The following ADAMTS13 variants were observed in gnomAD, a reference collection of about 807,000 sequenced individuals.
ADAMTS13 encodes the protein A disintegrin and metalloproteinase with thrombospondin motifs 13.
ADAMTS13 carries 110 observed loss-of-function variants against 155.1 expected under a neutral mutation model. That is an observed-to-expected ratio of 0.71 (90% CI 0.61 to 0.83). The LOEUF is 0.83. Among genes scored for constraint, ADAMTS13 ranks in the 40% least tolerant of loss-of-function variants. The pLI is 0.00. For synonymous variants in ADAMTS13, 758 were observed against 756.4 expected, an observed-to-expected ratio of 1.00 and a Z score of -0.03; for missense variants, 1,707 against 1,891.7, an observed-to-expected ratio of 0.90 and a Z score of 1.81.
chr9:133,440,543 G>C lies in ADAMTS13; in HGVS notation c.1968+18G>C. On this transcript the variant is annotated intron_variant, in intron 16 of 28. Coordinates refer to ENST00000355699, the MANE Select transcript of ADAMTS13 (RefSeq NM_139027.6). This position sits in a 1 kb window ranked among gnomAD's most constrained non-coding sequence, Gnocchi z 4.3. ...ACATCCAGGTCAGCAGGAGAGCCTGGGGGAGGCCAGTGGGGGCTTCTTCTT... is the reference window on the plus strand; with the variant it reads ...ACATCCAGGTCAGCAGGAGAGCCTGCGGGAGGCCAGTGGGGGCTTCTTCTT... 1 of 1,581,690 alleles carries C rather than the reference G, an allele frequency of 6.3e-7. No individual in the cohort carries two copies.
chr9:133,425,561 G>T lies in ADAMTS13; in HGVS notation c.363G>T (p.Gly121=). 6.2e-7 allele frequency: 1 copy of T among 1,613,642 alleles called. No individual in the cohort carries two copies. Among genetic ancestry groups the T allele is most frequent in the Non-Finnish European group, 8.5e-7 (1 of 1,180,006 alleles). ...AACTGCTTCGGGACCCGTCCCTGGG[G>T]GCTCAGTTTCGGGTGCACCTGGTGA... ...GAELLRDPSL[G]AQFRVHLVKM... The change falls in exon 4 of 29, where the codon GGG becomes GGT. Residue 121 remains glycine (G), a synonymous_variant. Transcript: ENST00000355699. This position sits in a 1 kb window ranked among gnomAD's most constrained non-coding sequence, Gnocchi z 4.6.
intron 23 of ADAMTS13, 80 bp from the exon 24 acceptor site, chr9:133,454,335 G>T: frequency 1.3e-6 from 2 of 1,524,242 alleles, no homozygotes; most frequent in South Asian, 1.1e-5. Flanking sequence ...CCGAGTACAC[G>T]TGGGTGGAGA....
At chr9:133,429,401 C>T in intron 7 of ADAMTS13, among the ~76,000 whole-genome samples, 1 of 145,564 alleles carries the variant, frequency 6.9e-6, no homozygotes, top group Non-Finnish European at 1.5e-5. Flanking sequence ...CATACACTCC[C>T]TGGTTCTCTC....
Position 133,436,959 on chromosome 9 carries a change from G to A in ADAMTS13, c.1435+4G>A. ...GCTGCTGTACCACACAGCCAAGGTG[G>A]GGCCTGCGGAGTGTGGGGTTGGGGG... On this transcript the variant is annotated splice_donor_region_variant and intron_variant, in intron 12 of 28. Coordinates refer to ENST00000355699, the MANE Select transcript of ADAMTS13 (RefSeq NM_139027.6). The A allele has an allele frequency of 2.5e-6, 4 of 1,596,596 alleles. No individual in the cohort carries two copies. The highest frequency in any genetic ancestry group is 3.4e-6 in the Non-Finnish European group (4 of 1,173,266).
At chr9:133,430,205 C>A in intron 8 of ADAMTS13, 104 bp downstream of exon 8, 1 of 1,473,266 alleles carries the variant, frequency 6.8e-7, no homozygotes, top group Non-Finnish European at 9.2e-7. Flanking sequence ...GGGTGCCGTG[C>A]TAGGCTGAGG....
upstream of ADAMTS13, among the ~76,000 whole-genome samples, chr9:133,421,690 G>A (rs1044493447): frequency 1.3e-5 from 2 of 152,216 alleles, no homozygotes; most frequent in East Asian, 1.9e-4. Context: ...CGATGCAGGA[G>A]GAGAGAGCTG....
In ADAMTS13 at chr9:133,456,556, G is replaced by A; in HGVS notation, c.3561G>A (p.Leu1187=). 2 of 1,613,518 alleles carry A rather than the reference G, an allele frequency of 1.2e-6. No individual in the cohort carries two copies. The highest frequency in any genetic ancestry group is 1.7e-6 in the Non-Finnish European group (2 of 1,179,944). The change falls in exon 27 of 29, where the codon CTG becomes CTA. Residue 1187 remains leucine (L), a synonymous_variant. Coordinates refer to ENST00000355699, the MANE Select transcript of ADAMTS13 (RefSeq NM_139027.6). This position sits in a 1 kb window ranked among gnomAD's most constrained non-coding sequence, Gnocchi z 4.4. ...SLNCSAGDML[L]LWGRLTWRKM... is the part of the protein sequence containing the mutation. Reference sequence around the variant, plus strand: ...GCCGCTTCCTAGGGGACATGTTGCTGCTTTGGGGCCGGCTCACCTGGAGGA... The same window carrying A: ...GCCGCTTCCTAGGGGACATGTTGCTACTTTGGGGCCGGCTCACCTGGAGGA...
At chr9:133,448,553 C>T in intron 21 of ADAMTS13, 46 bp from the exon 22 acceptor site, 1 of 1,603,800 alleles carries the variant, frequency 6.2e-7, no homozygotes, top group East Asian at 2.2e-5. Flanking sequence ...GCAGTCCTTG[C>T]TGAGCCTGTC....
intron 1 of ADAMTS13, among the ~76,000 whole-genome samples, chr9:133,415,332 C>T (rs1037135530): frequency 1.3e-5 from 2 of 152,158 alleles, no homozygotes; most frequent in Non-Finnish European, 2.9e-5. Context: ...AGACCACTTC[C>T]CTTTTCAGCT....
chr9:133,433,586 T>A, intron 10 of ADAMTS13, 55 bp from the exon 11 acceptor site: 6 of 1,613,782 alleles, frequency 3.7e-6, no homozygotes, highest in Non-Finnish European at 5.1e-6. Context: ...TAGTCCCTAG[T>A]TGAAGGCAGT....
intron 7 of ADAMTS13, chr9:133,429,592 C>G (rs2130803561): frequency 2.9e-6 from 1 of 340,360 alleles, no homozygotes; most frequent in East Asian, 7.6e-5. Flanking sequence ...CACGCTCCAT[C>G]AGTCCCACAC....
intron 19 of ADAMTS13, among the ~76,000 whole-genome samples, chr9:133,444,479 G>GT (rs2130886693): frequency 6.6e-6 from 1 of 152,142 alleles, no homozygotes; most frequent in East Asian, 1.9e-4. Flanking sequence ...ACTAATTTTT[G>GT]TATTTTTTGT....
Position 133,425,249 on chromosome 9 carries a change from A to G in ADAMTS13, c.331-280A>G, listed in dbSNP as rs587602162. Among the ~76,000 whole-genome samples the G allele has an allele frequency of 3.9e-5, 6 of 152,318 alleles. No individual in the cohort carries two copies. In the East Asian group the frequency reaches 9.7e-4, roughly 25 times the overall value. ...TCTGAGAGGAGCAGCGTTTGACCGG[A>G]ATATCCGACTCGTGACCATCTGTGT... On this transcript the variant is annotated intron_variant, in intron 3 of 28. Coordinates refer to ENST00000355699, the MANE Select transcript of ADAMTS13 (RefSeq NM_139027.6). This position sits in a 1 kb window ranked among gnomAD's most constrained non-coding sequence, Gnocchi z 4.6.
chr9:133,425,649 G>A lies in ADAMTS13; in HGVS notation c.414+37G>A, dbSNP rs1840231884. 1 of 1,602,966 alleles carries A rather than the reference G, an allele frequency of 6.2e-7. No homozygotes were observed. ...GCTGGAACTCAGCACACCATACAGA[G>A]CGGGAAGCCCAAGTCATCGCATCTC... On this transcript the variant is annotated intron_variant, in intron 4 of 28. Transcript: ENST00000355699. The surrounding 1 kb of genome is among the most constrained non-coding windows in gnomAD (Gnocchi z 4.6).
rs1403565030 is a variant in ADAMTS13 at position 133,440,598 on chromosome 9, A to G, written c.1968+73A>G. 1.9e-5 allele frequency: 27 copies of G among 1,451,086 alleles called. No homozygotes were observed. The highest frequency in any genetic ancestry group is 1.7e-4 in the East Asian group (7 of 40,340). The allele number at this position is 1,451,086 out of a possible 1,614,324, so 89.9% of individuals were successfully genotyped here. On this transcript the variant is annotated intron_variant, in intron 16 of 28. Coordinates refer to ENST00000355699, the MANE Select transcript of ADAMTS13 (RefSeq NM_139027.6). The surrounding 1 kb of genome is among the most constrained non-coding windows in gnomAD (Gnocchi z 4.3). ...GCTATGGCTGCTTGCTCGTTTGTCT[A>G]TCCATCCATTCCCTGATTCGTTCAT...
At position 133,459,243 on chromosome 9, in the gene ADAMTS13, CT is replaced by C. The variant is rs1842948387; in HGVS notation, c.*66del. 1 of 1,471,140 alleles carries C rather than the reference CT, an allele frequency of 6.8e-7. No individual in the cohort carries two copies. Among genetic ancestry groups the C allele is most frequent in the Non-Finnish European group, 9.3e-7 (1 of 1,074,348 alleles). 91.1% of individuals were successfully genotyped at this position (1,471,140 alleles called of 1,614,324 possible). ...GGAGGGTTGACCCCTGGTCTCAGTG[CT>C]TTCCAATTCGAACTTTTTCCAATCT... On this transcript the variant is annotated 3_prime_UTR_variant, in exon 29 of 29. Transcript: ENST00000355699.
chr9:133,445,881 A>G lies in ADAMTS13; in HGVS notation c.2731+62A>G, dbSNP rs1285202142. The G allele has an allele frequency of 1.3e-6, 2 of 1,511,158 alleles. No individual in the cohort carries two copies. The highest frequency in any genetic ancestry group is 1.8e-6 in the Non-Finnish European group (2 of 1,129,398). 93.6% of individuals were successfully genotyped at this position (1,511,158 alleles called of 1,614,324 possible). A position where few individuals can be genotyped will look rare whatever the true frequency, so the allele number is the denominator to read the frequency against. On this transcript the variant is annotated intron_variant, in intron 21 of 28. Coordinates refer to ENST00000355699, the MANE Select transcript of ADAMTS13 (RefSeq NM_139027.6). This position sits in a 1 kb window ranked among gnomAD's most constrained non-coding sequence, Gnocchi z 5.0. The stretch of plus-strand genomic sequence containing the variant: ...CATGGTAACTCTCCTGTCCACTTGC[A>G]TCTTGCCTCGTTCTGAAAAGCATTT...
At chr9:133,414,608 A>T in exon 1 of ADAMTS13, 1 of 1,486,442 alleles carries the variant, frequency 6.7e-7, no homozygotes, top group Non-Finnish European at 9.4e-7. Flanking sequence ...ATAAGGAGAC[A>T]GGCCTTGGTG....
intron 12 of ADAMTS13, 21 bp downstream of exon 12, chr9:133,436,976 G>A: frequency 6.3e-7 from 1 of 1,591,092 alleles, no homozygotes; most frequent in Middle Eastern, 1.8e-4. Flanking sequence ...CGGAGTGTGG[G>A]GTTGGGGGAG....
Sources: allele counts gnomAD v4.1 joint callset (sites outside exome capture counted in the v4.1 genomes callset), GRCh38; gene constraint gnomAD v4.1.1; non-coding constraint Gnocchi (gnomAD v3.1); transcripts MANE v1.5; gene names NCBI Gene and HGNC (gene_info 2026-07-23, HGNC 2026-07-21).